The following LYN variants were observed in gnomAD, a reference collection of about 807,000 sequenced individuals.
The protein encoded by LYN is LYN proto-oncogene, Src family tyrosine kinase, also known as tyrosine-protein kinase Lyn.
LYN carries 12 observed loss-of-function variants against 65.0 expected under a neutral mutation model. The observed-to-expected ratio is 0.18, with a 90% confidence interval of 0.12 to 0.30. The LOEUF (loss-of-function observed/expected upper bound fraction) is 0.30. Among genes scored for constraint, LYN ranks in the 10% least tolerant of loss-of-function variants. The pLI is 1.00. For missense variants in LYN, 380 were observed against 623.2 expected (o/e 0.61, Z 4.16); for synonymous variants, 222 against 221.2 (o/e 1.00, Z -0.03).
chr8:56,003,928 CTT>C (rs1213079280), intron 12 of LYN, among the ~76,000 whole-genome samples: 19,696 of 102,938 alleles, frequency 0.19, 641 homozygotes, highest in Non-Finnish European at 0.22. Flanking sequence ...ATATTTTATT[CTT>C]TTTTTTTTTT....
intron 10 of LYN, among the ~76,000 whole-genome samples, chr8:55,973,326 C>A (rs1437088472): frequency 6.6e-6 from 1 of 152,202 alleles, no homozygotes; most frequent in Non-Finnish European, 1.5e-5. Flanking sequence ...CACTCTCCAA[C>A]CATCCATAGC....
At chr8:55,949,250 G>A (rs2130489469) in intron 4 of LYN, among the ~76,000 whole-genome samples, 1 of 152,322 alleles carries the variant, frequency 6.6e-6, no homozygotes, top group African/African-American at 2.4e-5. Context: ...ATTTCTATAA[G>A]GATTTGAAAG....
At chr8:55,928,879 T>C (rs568692201) in intron 1 of LYN, among the ~76,000 whole-genome samples, 1 of 152,296 alleles carries the variant, frequency 6.6e-6, no homozygotes, top group Non-Finnish European at 1.5e-5. Context: ...TTCTCCTATG[T>C]TATCTCCTAG....
At chr8:55,976,593 G>C (rs950016244) in intron 10 of LYN, among the ~76,000 whole-genome samples, 9 of 152,102 alleles carry the variant, frequency 5.9e-5, no homozygotes, top group African/African-American at 2.2e-4. Context: ...GCAAAGACAG[G>C]GTACAGCCCT....
chr8:55,962,455 C>T (rs1478855319), intron 8 of LYN, among the ~76,000 whole-genome samples: 1 of 152,156 alleles, frequency 6.6e-6, no homozygotes, highest in African/African-American at 2.4e-5. Context: ...CATTCATCTT[C>T]ATCTCATGTC....
intron 1 of LYN, among the ~76,000 whole-genome samples, chr8:55,900,740 T>C (rs1805237754): frequency 6.6e-6 from 1 of 152,190 alleles, no homozygotes. Context: ...GATTTAATTA[T>C]GTTTGGATTA....
intron 1 of LYN, chr8:55,895,868 C>T (rs1342520724): frequency 6.6e-6 from 1 of 152,032 alleles, no homozygotes; most frequent in Non-Finnish European, 1.5e-5. Context: ...CTGTACTACC[C>T]CGAGCCTTTT....
At chr8:55,977,682 G>A (rs1156977257) in intron 10 of LYN, among the ~76,000 whole-genome samples, 1 of 151,528 alleles carries the variant, frequency 6.6e-6, no homozygotes, top group Admixed American at 6.6e-5. Context: ...GGAGGCTGAA[G>A]TGGGAGGGTT....
intron 10 of LYN, among the ~76,000 whole-genome samples, chr8:55,980,967 G>A (rs770400542): frequency 5.9e-5 from 9 of 152,138 alleles, no homozygotes; most frequent in South Asian, 4.2e-4. Flanking sequence ...GGCCACCCCC[G>A]TGCTGTTCTC....
At chr8:55,892,629 A>C (rs1804989266) in intron 1 of LYN, among the ~76,000 whole-genome samples, 1 of 152,004 alleles carries the variant, frequency 6.6e-6, no homozygotes, top group South Asian at 2.1e-4. Flanking sequence ...TGCAGCCTTG[A>C]ACTCCTGGGC....
chr8:55,957,986 G>A (rs976556924), intron 8 of LYN, among the ~76,000 whole-genome samples: 1 of 152,122 alleles, frequency 6.6e-6, no homozygotes, highest in African/African-American at 2.4e-5. Context: ...TGCCAGCCTG[G>A]ATGCCTGGCA....
At chr8:55,982,984 C>T (rs914484124) in intron 10 of LYN, among the ~76,000 whole-genome samples, 9 of 152,052 alleles carry the variant, frequency 5.9e-5, no homozygotes, top group Non-Finnish European at 1.2e-4. Context: ...AGCTTGGAGA[C>T]ACTCATTGCC....
chr8:55,979,550 A>T (rs1240515492), intron 10 of LYN, among the ~76,000 whole-genome samples: 3 of 152,180 alleles, frequency 2.0e-5, no homozygotes, highest in Non-Finnish European at 2.9e-5. Context: ...TTTGTGAAAC[A>T]CAATGAGAAG....
chr8:55,992,278 C>G (rs1230541399), intron 10 of LYN, among the ~76,000 whole-genome samples: 1 of 152,136 alleles, frequency 6.6e-6, no homozygotes, highest in Middle Eastern at 3.2e-3. Context: ...TGAGTAATGT[C>G]TCTGGGCCCA....
chr8:55,905,006 C>T (rs962428797), intron 1 of LYN, among the ~76,000 whole-genome samples: 3 of 152,130 alleles, frequency 2.0e-5, no homozygotes, highest in African/African-American at 7.2e-5. Flanking sequence ...ATGGTGGGGG[C>T]CTAAGCATCA....
chr8:55,950,060 TA>T (rs1806897946), intron 4 of LYN, among the ~76,000 whole-genome samples: 1 of 152,240 alleles, frequency 6.6e-6, no homozygotes, highest in African/African-American at 2.4e-5. Context: ...TTATTTAGCA[TA>T]ATGTTTTCAA....
chr8:55,944,045 C>G (rs149972774), intron 2 of LYN, among the ~76,000 whole-genome samples: 3 of 151,856 alleles, frequency 2.0e-5, no homozygotes, highest in African/African-American at 7.3e-5. Flanking sequence ...GCCGAGATCA[C>G]GCCACTGCAC....
chr8:55,901,673 C>T (rs187810348), intron 1 of LYN, among the ~76,000 whole-genome samples: 154 of 152,310 alleles, frequency 1.0e-3, no homozygotes, highest in African/African-American at 3.6e-3. Flanking sequence ...GAGCATTGGG[C>T]ATACACTTCA....
chr8:55,979,968 G>T (rs1425687695), intron 10 of LYN, among the ~76,000 whole-genome samples: 2 of 152,160 alleles, frequency 1.3e-5, no homozygotes, highest in South Asian at 2.1e-4. Context: ...TGGAGATGAG[G>T]CCTGCAGCTG....
Sources: gnomAD v4.1 joint callset for allele counts (sites outside exome capture counted in the v4.1 genomes callset) on GRCh38, gnomAD v4.1.1 for gene constraint, MANE v1.5 for transcripts, NCBI Gene and HGNC (gene_info 2026-07-23, HGNC 2026-07-21) for gene names.